TGFB2: variants seen among roughly 807,000 people sequenced by gnomAD.
TGFB2 encodes transforming growth factor beta 2.
In TGFB2, 13 loss-of-function variants were observed where a neutral mutation model predicts 42.7. The ratio of observed to expected loss-of-function variants is 0.30; its 90% CI spans 0.20 to 0.48. The LOEUF is 0.48. Ranked by LOEUF, TGFB2 falls within the 20% of genes least tolerant of loss-of-function variation. The probability of loss-of-function intolerance (pLI) is 0.99; values close to 1 mark genes in which losing one functional copy is unlikely to be tolerated. For missense variants in TGFB2, 390 were observed against 517.5 expected (o/e 0.75, Z 2.39); for synonymous variants, 193 against 193.6 (o/e 1.00, Z 0.03).
At chr1:218,372,374 T>A (rs770158065) in intron 1 of TGFB2, among the ~76,000 whole-genome samples, 1 of 152,216 alleles carries the variant, frequency 6.6e-6, no homozygotes, top group African/African-American at 2.4e-5. Flanking sequence ...TGCTCTGAAG[T>A]GGAGCTGACT....
intron 1 of TGFB2, among the ~76,000 whole-genome samples, chr1:218,354,225 G>T (rs150944991): frequency 2.4e-3 from 361 of 152,292 alleles, no homozygotes; most frequent in African/African-American, 8.2e-3. Context: ...TGAACTACAG[G>T]AAGAAGAAGA....
intron 1 of TGFB2, among the ~76,000 whole-genome samples, chr1:218,398,680 C>G (rs188352453): frequency 6.6e-6 from 1 of 151,988 alleles, no homozygotes; most frequent in Non-Finnish European, 1.5e-5. Context: ...CTCTGCCTCC[C>G]GGGTTCAAGC....
In TGFB2 at chr1:218,346,804, A is replaced by G; in HGVS notation, c.103A>G (p.Lys35Glu). The G allele has an allele frequency of 1.2e-6, 2 of 1,614,168 alleles. No individual in the cohort carries two copies. The highest frequency in any genetic ancestry group is 1.7e-6 in the Non-Finnish European group (2 of 1,180,024). Residue 35 changes from lysine to glutamate, a missense_variant, in exon 1 of 7, where the codon AAG becomes GAG. Lys to Glu is a moderately conservative substitution (Grantham distance 56, BLOSUM62 1). Coordinates refer to ENST00000366930, the MANE Select transcript of TGFB2 (RefSeq NM_003238.6). This position sits in a 1 kb window ranked among gnomAD's most constrained non-coding sequence, Gnocchi z 4.9. Reference sequence around the variant, plus strand: ...ACTCGATATGGACCAGTTCATGCGCAAGAGGATCGAGGCGATCCGCGGGCA... The same window carrying G: ...ACTCGATATGGACCAGTTCATGCGCGAGAGGATCGAGGCGATCCGCGGGCA... Reference protein sequence around the residue: ...STLDMDQFMRKRIEAIRGQIL... With the variant: ...STLDMDQFMRERIEAIRGQIL...
rs781392453 is a variant in TGFB2 at position 218,346,952 on chromosome 1, G to T, written c.251G>T (p.Arg84Leu). The T allele has an allele frequency of 6.2e-7, 1 of 1,613,978 alleles. No individual in the cohort carries two copies. The highest frequency in any genetic ancestry group is 8.5e-7 in the Non-Finnish European group (1 of 1,179,954). ...TRDLLQEKAS[R>L]RAAACERERS... ...GACTTGCTCCAGGAGAAGGCGAGCCGGAGGGCGGCCGCCTGCGAGCGCGAG... is the reference window on the plus strand; with the variant it reads ...GACTTGCTCCAGGAGAAGGCGAGCCTGAGGGCGGCCGCCTGCGAGCGCGAG... Residue 84 changes from arginine (R) to leucine (L), a missense_variant, in exon 1 of 7, where the codon CGG (arginine) becomes CTG (leucine). Arg to Leu is a moderately radical substitution (Grantham distance 102). Coordinates refer to ENST00000366930, the MANE Select transcript of TGFB2 (RefSeq NM_003238.6). The surrounding 1 kb of genome is among the most constrained non-coding windows in gnomAD (Gnocchi z 4.9).
intron 1 of TGFB2, among the ~76,000 whole-genome samples, chr1:218,358,607 G>A (rs1657112636): frequency 6.9e-6 from 1 of 145,466 alleles, no homozygotes; most frequent in East Asian, 2.0e-4. Flanking sequence ...GGAGTGCAGT[G>A]GTGCGATTTC....
chr1:218,399,235 G>A (rs1399570972), intron 1 of TGFB2, among the ~76,000 whole-genome samples: 3 of 152,144 alleles, frequency 2.0e-5, no homozygotes, highest in Non-Finnish European at 2.9e-5. Context: ...AGTACAGAGA[G>A]TTCCTATATA....
chr1:218,389,228 G>T, intron 1 of TGFB2, among the ~76,000 whole-genome samples: 1 of 152,168 alleles, frequency 6.6e-6, no homozygotes, highest in East Asian at 1.9e-4. Context: ...ATTCATCATT[G>T]TTATGTGACT....
chr1:218,369,191 G>T (rs1657487848), intron 1 of TGFB2, among the ~76,000 whole-genome samples: 1 of 146,272 alleles, frequency 6.8e-6, no homozygotes, highest in Non-Finnish European at 1.5e-5. Context: ...GGAGGTGGAG[G>T]TTGCAGTAAG....
At chr1:218,418,950 C>T (rs2102609907) in intron 2 of TGFB2, among the ~76,000 whole-genome samples, 2 of 152,272 alleles carry the variant, frequency 1.3e-5, no homozygotes, top group South Asian at 4.1e-4. Context: ...GTAAATTGCT[C>T]AGTCTCAGCT....
intron 4 of TGFB2, among the ~76,000 whole-genome samples, chr1:218,434,702 TC>T (rs200627226): frequency 6.6e-6 from 1 of 152,192 alleles, no homozygotes; most frequent in East Asian, 1.9e-4. Context: ...TCATTAACCC[TC>T]CAGTAGTAAG....
intron 1 of TGFB2, among the ~76,000 whole-genome samples, chr1:218,375,916 T>C (rs1399483572): frequency 6.6e-6 from 1 of 152,128 alleles, no homozygotes; most frequent in Non-Finnish European, 1.5e-5. Flanking sequence ...CCCCTGAACT[T>C]AAGAAGTTGA....
rs1396295592 is a variant in TGFB2, at chr1:218,439,715, CAGT to C, written c.1087-1486_1087-1484del. On this transcript the variant is annotated intron_variant, in intron 6 of 6. Transcript: ENST00000366930. The stretch of plus-strand genomic sequence containing the variant: ...GGCTGCCTCCTCTGGGCTGCGGCAG[CAGT>C]AGCTGTAATGTGGGCAAGGCCCTGT... Among the ~76,000 whole-genome samples the C allele has an allele frequency of 2.6e-5, 4 of 152,164 alleles. No homozygotes were observed. In the South Asian group the frequency reaches 6.2e-4, roughly 24 times the overall value.
chr1:218,375,923 T>A (rs1657726430), intron 1 of TGFB2, among the ~76,000 whole-genome samples: 1 of 152,020 alleles, frequency 6.6e-6, no homozygotes, highest in Admixed American at 6.6e-5. Context: ...ACTTAAGAAG[T>A]TGAAGAAAAA....
chr1:218,351,803 G>A (rs1369714097), intron 1 of TGFB2, among the ~76,000 whole-genome samples: 1 of 152,086 alleles, frequency 6.6e-6, no homozygotes, highest in African/African-American at 2.4e-5. Context: ...GTGAAAAGAT[G>A]GTGATGTAAC....
chr1:218,345,803 A>G lies in TGFB2; in HGVS notation c.-899A>G. The G allele has an allele frequency of 6.6e-6, 1 of 152,618 alleles. No individual in the cohort carries two copies. Among genetic ancestry groups the G allele is most frequent in the Non-Finnish European group, 1.5e-5 (1 of 68,416 alleles). The allele number at this position is 152,618 out of a possible 1,614,324, so 9.5% of individuals were successfully genotyped here. The stretch of plus-strand genomic sequence containing the variant: ...GCTGGGTTGGCGTTTGGAGCAAGAG[A>G]AGGAGGAGCAGGAGAAGGAGGGAGC... On this transcript the variant is annotated 5_prime_UTR_variant, in exon 1 of 7. Coordinates refer to ENST00000366930, the MANE Select transcript of TGFB2 (RefSeq NM_003238.6).
At chr1:218,392,347 C>T (rs1453669461) in intron 1 of TGFB2, among the ~76,000 whole-genome samples, 1 of 151,962 alleles carries the variant, frequency 6.6e-6, no homozygotes, top group Non-Finnish European at 1.5e-5. Flanking sequence ...AGCAAGACTC[C>T]GTCTCAAAAC....
intron 1 of TGFB2, among the ~76,000 whole-genome samples, chr1:218,390,418 AC>A (rs1485805719): frequency 6.6e-6 from 1 of 151,916 alleles, no homozygotes; most frequent in African/African-American, 2.4e-5. Context: ...ATAAGTTGGG[AC>A]CCGCTGGATT....
intron 2 of TGFB2, among the ~76,000 whole-genome samples, chr1:218,417,507 G>T (rs1659320442): frequency 6.6e-6 from 1 of 152,232 alleles, no homozygotes; most frequent in African/African-American, 2.4e-5. Context: ...TGGAAAATTT[G>T]CAGCCTGACA....
chr1:218,424,999 G>T (rs899691142), intron 2 of TGFB2, among the ~76,000 whole-genome samples: 1 of 152,168 alleles, frequency 6.6e-6, no homozygotes, highest in African/African-American at 2.4e-5. Context: ...TTGCCTTAAA[G>T]GGATCAGTTG....
Sources: allele counts gnomAD v4.1 joint callset (sites outside exome capture counted in the v4.1 genomes callset), GRCh38; gene constraint gnomAD v4.1.1; non-coding constraint Gnocchi (gnomAD v3.1); transcripts MANE v1.5; gene names NCBI Gene and HGNC (gene_info 2026-07-23, HGNC 2026-07-21).